CIMIP6: variants seen among roughly 807,000 people sequenced by gnomAD.
The protein encoded by CIMIP6 is ciliary microtubule inner protein 6, also known as uncharacterized protein C2orf73.
chr2:54,376,262 T>G, the CIMIP6 span, among the ~76,000 whole-genome samples: 36,062 of 151,572 alleles, frequency 0.24, 4,717 homozygotes, highest in East Asian at 0.48. Context: ...CGAGCTGGTC[T>G]GCAACCCTCC....
At chr2:54,366,310 G>A in the CIMIP6 span, among the ~76,000 whole-genome samples, 1 of 152,164 alleles carries the variant, frequency 6.6e-6, no homozygotes. Flanking sequence ...TTAAAATGGA[G>A]AAGCAATAAA....
At chr2:54,372,990 A>G in the CIMIP6 span, among the ~76,000 whole-genome samples, 3 of 151,812 alleles carry the variant, frequency 2.0e-5, no homozygotes, top group Non-Finnish European at 4.4e-5. Flanking sequence ...TTCCATTCCC[A>G]CTGCCCCGCC....
chr2:54,373,890 A>G, the CIMIP6 span, among the ~76,000 whole-genome samples: 6 of 152,092 alleles, frequency 3.9e-5, no homozygotes, highest in African/African-American at 1.2e-4. Flanking sequence ...TGGTTTATGA[A>G]TTTCTGCTCA....
chr2:54,347,074 T>C, the CIMIP6 span, among the ~76,000 whole-genome samples: 8 of 152,370 alleles, frequency 5.3e-5, no homozygotes, highest in South Asian at 1.7e-3. Flanking sequence ...TGTTACTGTA[T>C]TTCCATATTT....
At chr2:54,371,268 C>A in the CIMIP6 span, among the ~76,000 whole-genome samples, 1 of 152,200 alleles carries the variant, frequency 6.6e-6, no homozygotes, top group Non-Finnish European at 1.5e-5. Flanking sequence ...AAGTGCAGAG[C>A]TCAGTCATAG....
chr2:54,362,544 G>C, the CIMIP6 span, among the ~76,000 whole-genome samples: 2 of 152,012 alleles, frequency 1.3e-5, no homozygotes, highest in African/African-American at 2.4e-5. Context: ...TTATCTGTCT[G>C]TGTGTGTATG....
chr2:54,350,535 A>C, the CIMIP6 span, among the ~76,000 whole-genome samples: 1 of 152,214 alleles, frequency 6.6e-6, no homozygotes, highest in Non-Finnish European at 1.5e-5. Flanking sequence ...AGAATGCAAA[A>C]GCAGAAGCTA....
chr2:54,337,789 G>A, the CIMIP6 span, among the ~76,000 whole-genome samples: 1 of 152,168 alleles, frequency 6.6e-6, no homozygotes, highest in East Asian at 1.9e-4. Flanking sequence ...AAGTGAGTTT[G>A]AGATGAAATA....
At chr2:54,377,449 A>G in the CIMIP6 span, among the ~76,000 whole-genome samples, 1 of 152,144 alleles carries the variant, frequency 6.6e-6, no homozygotes. Flanking sequence ...TATAATTTAT[A>G]TAGTTTATAT....
the CIMIP6 span, chr2:54,360,439 C>T: frequency 1.3e-6 from 2 of 1,594,556 alleles, no homozygotes; most frequent in African/African-American, 1.3e-5. Flanking sequence ...GACAGGCAGC[C>T]AAGGCATGCC....
At chr2:54,383,972 T>A in the CIMIP6 span, among the ~76,000 whole-genome samples, 1 of 152,152 alleles carries the variant, frequency 6.6e-6, no homozygotes, top group South Asian at 2.1e-4. Flanking sequence ...AAGAAGGCCC[T>A]CCCCAGGTGC....
chr2:54,378,643 G>A, the CIMIP6 span, among the ~76,000 whole-genome samples: 2,975 of 152,196 alleles, frequency 0.02, 60 homozygotes, highest in Non-Finnish European at 0.028. Flanking sequence ...CAGAGGTACC[G>A]GTTCTAACAA....
At chr2:54,351,518 G>T in the CIMIP6 span, among the ~76,000 whole-genome samples, 1 of 151,880 alleles carries the variant, frequency 6.6e-6, no homozygotes, top group African/African-American at 2.4e-5. Context: ...GCAAACTAAC[G>T]CAGGAACAAA....
chr2:54,376,140 A>G, the CIMIP6 span, among the ~76,000 whole-genome samples: 1 of 151,898 alleles, frequency 6.6e-6, no homozygotes, highest in East Asian at 1.9e-4. Context: ...AACTCAAGCA[A>G]TCCTCCTGCC....
the CIMIP6 span, among the ~76,000 whole-genome samples, chr2:54,358,781 G>C: frequency 7.1e-6 from 1 of 140,876 alleles, no homozygotes; most frequent in Non-Finnish European, 1.6e-5. Context: ...GTTTTGATTT[G>C]GCTCTTTTCA....
At chr2:54,358,974 C>G in the CIMIP6 span, 1 of 1,539,702 alleles carries the variant, frequency 6.5e-7, no homozygotes, top group Non-Finnish European at 8.8e-7. Context: ...CTTGCCTCTC[C>G]TGGTACATCA....
chr2:54,376,131 A>C, the CIMIP6 span, among the ~76,000 whole-genome samples: 1 of 151,622 alleles, frequency 6.6e-6, no homozygotes, highest in Admixed American at 6.6e-5. Flanking sequence ...AACCTCCCCA[A>C]CTCAAGCAAT....
At chr2:54,381,275 G>T in the CIMIP6 span, among the ~76,000 whole-genome samples, 1 of 152,114 alleles carries the variant, frequency 6.6e-6, no homozygotes, top group Non-Finnish European at 1.5e-5. Flanking sequence ...GTTCATGCTG[G>T]TTCTAATCTG....
chr2:54,346,357 G>C, the CIMIP6 span, among the ~76,000 whole-genome samples: 3 of 152,102 alleles, frequency 2.0e-5, no homozygotes, highest in African/African-American at 7.2e-5. Flanking sequence ...ACAAGGAATA[G>C]ATGTTTAAGG....
Sources: gnomAD v4.1 joint callset for allele counts (sites outside exome capture counted in the v4.1 genomes callset) on GRCh38, gnomAD v4.1.1 for gene constraint, MANE v1.5 for transcripts, NCBI Gene and HGNC (gene_info 2026-07-23, HGNC 2026-07-21) for gene names.